The following STAG1 variants were observed in gnomAD, a reference collection of about 807,000 sequenced individuals.
STAG1 encodes the protein cohesin subunit SA-1.
Under a neutral mutation model 170.9 loss-of-function variants are expected in STAG1, and 26 were observed. The ratio of observed to expected loss-of-function variants is 0.15; its 90% CI spans 0.11 to 0.21. The LOEUF (loss-of-function observed/expected upper bound fraction) is 0.21, where lower values mean the gene tolerates loss of function less well. STAG1 is among the 10% of genes least tolerant of loss of function. The probability of loss-of-function intolerance (pLI) is 1.00; values close to 1 mark genes in which losing one functional copy is unlikely to be tolerated. For missense variants in STAG1, 964 were observed against 1,509.5 expected (o/e 0.64, Z 5.99); for synonymous variants, 514 against 497.7 (o/e 1.03, Z -0.44).
intron 23 of STAG1, among the ~76,000 whole-genome samples, chr3:136,370,048 TTACTA>T (rs71157375): frequency 0.08 from 12,037 of 150,088 alleles, 621 homozygotes; most frequent in East Asian, 0.26. Context: ...GCGTATGTAT[TTACTA>T]TACTATACTA....
chr3:136,581,137 C>T (rs1937583037), intron 4 of STAG1, among the ~76,000 whole-genome samples: 3 of 152,160 alleles, frequency 2.0e-5, no homozygotes, highest in Admixed American at 2.0e-4. Flanking sequence ...AGGTATGTGC[C>T]AGCAAGCCCA....
chr3:136,442,628 T>A (rs1159550259), intron 15 of STAG1, among the ~76,000 whole-genome samples: 1 of 151,808 alleles, frequency 6.6e-6, no homozygotes, highest in African/African-American at 2.4e-5. Flanking sequence ...AATTAAATCA[T>A]TATGCATAAA....
chr3:136,723,969 G>A (rs1445284117), intron 1 of STAG1, among the ~76,000 whole-genome samples: 1 of 150,622 alleles, frequency 6.6e-6, no homozygotes, highest in African/African-American at 2.4e-5. Flanking sequence ...GCCCCGACCA[G>A]GAGGGAGGTG....
At chr3:136,506,180 CTAAA>C (rs1392464184) in intron 7 of STAG1, among the ~76,000 whole-genome samples, 4 of 152,038 alleles carry the variant, frequency 2.6e-5, no homozygotes, top group African/African-American at 7.3e-5. Context: ...AGAAGGGAGA[CTAAA>C]TAGGAGCAGT....
At chr3:136,598,663 T>C (rs1938538666) in intron 4 of STAG1, among the ~76,000 whole-genome samples, 1 of 152,082 alleles carries the variant, frequency 6.6e-6, no homozygotes, top group Non-Finnish European at 1.5e-5. Context: ...CCTGACCTTG[T>C]GATCTGCCCA....
chr3:136,498,233 T>TATATATATAC lies in STAG1; in HGVS notation c.902+1989_902+1990insGTATATATAT. On this transcript the variant is annotated intron_variant, in intron 9 of 33. Transcript: ENST00000383202. ...AATTATATATATATATATATATATA[T>TATATATATAC]ACACATACATATACATACACACACA... Among the ~76,000 whole-genome samples, 142 of 57,484 alleles carry TATATATATAC rather than the reference T, an allele frequency of 2.5e-3. 11 individuals are homozygous for TATATATATAC. The highest frequency in any genetic ancestry group is 0.011 in the South Asian group (19 of 1,708). 37.7% of individuals were successfully genotyped at this position (57,484 alleles called of 152,430 possible).
intron 1 of STAG1, among the ~76,000 whole-genome samples, chr3:136,665,940 T>C (rs184415079): frequency 5.6e-4 from 83 of 149,544 alleles, no homozygotes; most frequent in African/African-American, 1.9e-3. Context: ...CCGGGTGAGG[T>C]GGCGGGCACA....
At chr3:136,463,393 C>A (rs2089330778) in intron 13 of STAG1, among the ~76,000 whole-genome samples, 1 of 152,108 alleles carries the variant, frequency 6.6e-6, no homozygotes, top group African/African-American at 2.4e-5. Flanking sequence ...CAATGATGCA[C>A]AACAGTTGCC....
chr3:136,446,057 ATTACT>A (rs1157545701), intron 14 of STAG1, among the ~76,000 whole-genome samples: 1 of 151,934 alleles, frequency 6.6e-6, no homozygotes, highest in Non-Finnish European at 1.5e-5. Context: ...TGTTTTCTTG[ATTACT>A]TTATCTGTCC....
At chr3:136,712,669 G>A (rs1943416544) in intron 1 of STAG1, among the ~76,000 whole-genome samples, 1 of 152,114 alleles carries the variant, frequency 6.6e-6, no homozygotes, top group Admixed American at 6.5e-5. Flanking sequence ...TGCTGCTGTT[G>A]GAAGAAAAGT....
At chr3:136,512,426 T>TCTGTC (rs1934117164) in intron 7 of STAG1, among the ~76,000 whole-genome samples, 1 of 152,118 alleles carries the variant, frequency 6.6e-6, no homozygotes, top group African/African-American at 2.4e-5. Flanking sequence ...TATCTCAAAG[T>TCTGTC]CTGTATAATA....
chr3:136,676,418 A>G (rs935646675), intron 1 of STAG1, among the ~76,000 whole-genome samples: 2 of 152,184 alleles, frequency 1.3e-5, no homozygotes, highest in African/African-American at 4.8e-5. Context: ...CACTCAGCTT[A>G]AAACAAACAC....
chr3:136,462,085 A>G (rs1335048325), intron 13 of STAG1, among the ~76,000 whole-genome samples: 3 of 152,188 alleles, frequency 2.0e-5, no homozygotes, highest in Non-Finnish European at 2.9e-5. Flanking sequence ...GAATGCTAGT[A>G]CACTGTTGGT....
At chr3:136,663,571 A>G (rs1288461527) in intron 1 of STAG1, among the ~76,000 whole-genome samples, 3 of 152,366 alleles carry the variant, frequency 2.0e-5, no homozygotes, top group Non-Finnish European at 2.9e-5. Flanking sequence ...ATTCCTAAAA[A>G]TAAGCATGGC....
chr3:136,424,164 A>T (rs2088042222), intron 16 of STAG1, among the ~76,000 whole-genome samples: 1 of 152,058 alleles, frequency 6.6e-6, no homozygotes. Flanking sequence ...CTTTTGAATG[A>T]TCTACCAACT....
intron 1 of STAG1, among the ~76,000 whole-genome samples, chr3:136,700,093 T>G (rs527348850): frequency 6.6e-6 from 1 of 151,278 alleles, no homozygotes; most frequent in Non-Finnish European, 1.5e-5. Flanking sequence ...TATTCTTCCC[T>G]TTCTCCTCTG....
At chr3:136,467,878 C>T (rs915418688) in intron 12 of STAG1, among the ~76,000 whole-genome samples, 34 of 152,212 alleles carry the variant, frequency 2.2e-4, no homozygotes, top group Middle Eastern at 3.4e-3. Flanking sequence ...CTCAACTACA[C>T]GGAAACTAAA....
At chr3:136,401,671 T>C (rs370927952) in intron 21 of STAG1, among the ~76,000 whole-genome samples, 1 of 152,226 alleles carries the variant, frequency 6.6e-6, no homozygotes. Context: ...GGGCCTTGGA[T>C]AGATCTTTTA....
chr3:136,627,210 T>C (rs767046751), intron 2 of STAG1, among the ~76,000 whole-genome samples: 3 of 152,224 alleles, frequency 2.0e-5, no homozygotes, highest in Admixed American at 6.5e-5. Context: ...TGTTAGTATG[T>C]GTATGTTTAA....
Sources: allele counts gnomAD v4.1 joint callset (sites outside exome capture counted in the v4.1 genomes callset), GRCh38; gene constraint gnomAD v4.1.1; transcripts MANE v1.5; gene names NCBI Gene and HGNC (gene_info 2026-07-23, HGNC 2026-07-21).